LPP: variants seen among roughly 807,000 people sequenced by gnomAD.
The protein encoded by LPP is lipoma-preferred partner.
Under a neutral mutation model 60.4 loss-of-function variants are expected in LPP, and 38 were observed. The observed-to-expected ratio is 0.63, with a 90% confidence interval of 0.49 to 0.83. The LOEUF (loss-of-function observed/expected upper bound fraction) is 0.83. LPP is among the 40% of genes least tolerant of loss of function. The pLI, the probability that LPP is intolerant of heterozygous loss-of-function variation, is 0.00. For synonymous variants in LPP, 328 were observed against 290.8 expected (o/e 1.13, Z -1.30); for missense variants, 902 against 783.6 (o/e 1.15, Z -1.80).
chr3:188,338,521 A>G (rs1762256527), intron 2 of LPP, among the ~76,000 whole-genome samples: 1 of 152,238 alleles, frequency 6.6e-6, no homozygotes, highest in Admixed American at 6.5e-5. Context: ...TGGTTTTGGG[A>G]TAACTGTGAA....
intron 1 of LPP, among the ~76,000 whole-genome samples, chr3:188,169,304 G>T (rs1353207442): frequency 6.6e-6 from 1 of 152,194 alleles, no homozygotes; most frequent in Non-Finnish European, 1.5e-5. Context: ...AGAGGATTGG[G>T]TTTAGTTTAT....
intron 5 of LPP, among the ~76,000 whole-genome samples, chr3:188,492,938 G>A (rs547185092): frequency 1.3e-5 from 2 of 152,248 alleles, no homozygotes; most frequent in South Asian, 4.2e-4. Context: ...TTTGAGAATT[G>A]TTTCTTGCAT....
At chr3:188,335,993 G>A (rs1266475054) in intron 2 of LPP, among the ~76,000 whole-genome samples, 2 of 152,176 alleles carry the variant, frequency 1.3e-5, no homozygotes, top group African/African-American at 2.4e-5. Flanking sequence ...CTAAAGCTAC[G>A]TTCAATGTCA....
intron 1 of LPP, chr3:188,179,316 C>G: frequency 4.4e-6 from 2 of 458,370 alleles, no homozygotes; most frequent in South Asian, 3.1e-5. Context: ...CTCTGATGAG[C>G]AGCCCTTCAT....
intron 3 of LPP, among the ~76,000 whole-genome samples, chr3:188,362,310 AG>A (rs562997081): frequency 3.8e-4 from 58 of 152,334 alleles, no homozygotes; most frequent in African/African-American, 1.3e-3. Flanking sequence ...TCTTCTCCAA[AG>A]ATTCTATGCT....
In LPP at chr3:188,886,595, C is replaced by G. The variant is rs1770690455; in HGVS notation, c.*12116C>G. 4.8e-6 allele frequency: 1 copy of G among 207,646 alleles called. No individual in the cohort carries two copies. Among genetic ancestry groups the G allele is most frequent in the Non-Finnish European group, 9.7e-6 (1 of 103,208 alleles). 12.9% of individuals were successfully genotyped at this position (207,646 alleles called of 1,614,324 possible). A position where few individuals can be genotyped will look rare whatever the true frequency, so the allele number is the denominator to read the frequency against. ...TTTAGAAAAACATTATTTTCAAATA[C>G]CTTTATAAATCATCTAATTTATCTT... On this transcript the variant is annotated 3_prime_UTR_variant, in exon 12 of 12. Coordinates refer to ENST00000617246, the MANE Select transcript of LPP (RefSeq NM_001375462.1).
chr3:188,742,479 T>A (rs1315202544), intron 8 of LPP, among the ~76,000 whole-genome samples: 1 of 152,126 alleles, frequency 6.6e-6, no homozygotes, highest in Non-Finnish European at 1.5e-5. Context: ...GATCTGCTAA[T>A]ATGCACAAAT....
intron 1 of LPP, among the ~76,000 whole-genome samples, chr3:188,176,947 A>G (rs1222039521): frequency 6.6e-6 from 1 of 152,222 alleles, no homozygotes; most frequent in African/African-American, 2.4e-5. Context: ...GTAGTCTTGA[A>G]CAAGTCACCT....
At chr3:188,486,497 T>A (rs937529200) in intron 5 of LPP, among the ~76,000 whole-genome samples, 2 of 152,142 alleles carry the variant, frequency 1.3e-5, no homozygotes, top group African/African-American at 2.4e-5. Context: ...ATTATCAATA[T>A]GGCCCCACTG....
At chr3:188,642,250 A>G (rs577545336) in intron 7 of LPP, among the ~76,000 whole-genome samples, 2 of 152,172 alleles carry the variant, frequency 1.3e-5, no homozygotes, top group Non-Finnish European at 2.9e-5. Flanking sequence ...CATTTTAGAC[A>G]TTGGACAGTG....
At chr3:188,324,409 G>A (rs1333092424) in intron 2 of LPP, among the ~76,000 whole-genome samples, 1 of 152,104 alleles carries the variant, frequency 6.6e-6, no homozygotes, top group Non-Finnish European at 1.5e-5. Flanking sequence ...GGTTCTCAAA[G>A]TGTCATTCAC....
chr3:188,642,065 G>A (rs1373132479), intron 7 of LPP, among the ~76,000 whole-genome samples: 1 of 152,002 alleles, frequency 6.6e-6, no homozygotes, highest in Non-Finnish European at 1.5e-5. Context: ...ATCTGCCCAT[G>A]CTTACTTCAT....
intron 4 of LPP, among the ~76,000 whole-genome samples, chr3:188,407,790 T>TTTTTTTTTTTTTTTTTTTG (rs1560364521): frequency 3.9e-5 from 3 of 76,322 alleles, no homozygotes; most frequent in Non-Finnish European, 7.4e-5. Context: ...GTTTGTTTGT[T>TTTTTTTTTTTTTTTTTTTG]TTTTTTTTTT....
In LPP at chr3:188,730,440, G is replaced by T. The variant is rs905497902; in HGVS notation, c.1240+22047G>T. The stretch of plus-strand genomic sequence containing the variant: ...TTACAGTGTTTGGTAGTTATGAATT[G>T]AGTGAATTATCCCAAGGTTGGAGAT... On this transcript the variant is annotated intron_variant, in intron 8 of 11. Coordinates refer to ENST00000617246, the MANE Select transcript of LPP (RefSeq NM_001375462.1). Among the ~76,000 whole-genome samples the T allele has an allele frequency of 2.0e-5, 3 of 152,312 alleles. No homozygotes were observed. The South Asian group carries it at 6.2e-4, about 32-fold the overall frequency.
chr3:188,688,949 T>C (rs1037059026), intron 7 of LPP: 1 of 495,046 alleles, frequency 2.0e-6, no homozygotes. Context: ...TTTGTTCACA[T>C]CTGTTAACTG....
intron 9 of LPP, among the ~76,000 whole-genome samples, chr3:188,783,687 A>C (rs1358557572): frequency 6.7e-6 from 1 of 150,326 alleles, no homozygotes; most frequent in Admixed American, 6.7e-5. Flanking sequence ...ACCTTCACAT[A>C]TACCCCTGAA....
chr3:188,592,563 T>TTTTTTTTTTTTTTTGG, intron 6 of LPP, among the ~76,000 whole-genome samples: 4,381 of 75,238 alleles, frequency 0.058, 861 homozygotes, highest in East Asian at 0.13. Context: ...TTTTGTTTTT[T>TTTTTTTTTTTTTTTGG]AAATGGAGTC....
chr3:188,760,409 G>GGTGTGTGTGTGTGGGGT (rs1553836225), intron 9 of LPP, 127 bp downstream of exon 9: 3 of 602,816 alleles, frequency 5.0e-6, no homozygotes, highest in African/African-American at 3.8e-5. Context: ...GTGTGTGTGG[G>GGTGTGTGTGTGTGGGGT]GTGTGTGTGT....
At chr3:188,503,079 T>C (rs1177298701) in intron 5 of LPP, among the ~76,000 whole-genome samples, 3 of 152,094 alleles carry the variant, frequency 2.0e-5, no homozygotes, top group African/African-American at 4.8e-5. Flanking sequence ...TTTTTGTGTA[T>C]TCAATTGATT....
Sources: allele counts gnomAD v4.1 joint callset (sites outside exome capture counted in the v4.1 genomes callset), GRCh38; gene constraint gnomAD v4.1.1; transcripts MANE v1.5; gene names NCBI Gene and HGNC (gene_info 2026-07-23, HGNC 2026-07-21).